FLG2: variants seen among roughly 807,000 people sequenced by gnomAD.
FLG2 encodes the protein filaggrin 2.
A neutral mutation model predicts 3.9 loss-of-function variants in FLG2; 7 were observed. That is an observed-to-expected ratio of 1.79 (90% CI 1.02 to 3.36). FLG2 has a LOEUF of 3.36. FLG2 is among the 30% of genes most tolerant of loss of function. The pLI is 0.00. For missense variants in FLG2, 2,700 were observed against 2,809.4 expected (o/e 0.96, Z 0.88); for synonymous variants, 1,031 against 1,056.1 (o/e 0.98, Z 0.46).
chr1:152,355,156 C>T lies in FLG2; in HGVS notation c.2630G>A (p.Ser877Asn), dbSNP rs772298321. Residue 877 changes from serine (S) to asparagine (N), a missense_variant, in exon 3 of 3, where the codon AGC becomes AAC. Coordinates refer to ENST00000388718, the MANE Select transcript of FLG2 (RefSeq NM_001014342.3). ...TCCAAAGCCAGAGTATTGACCTGAG[C>T]TTGACCTGTGTTGTCCAAAGCCAGA... ...QTSGFGQHRS[S>N]SGQYSGFGQH... 8 of 1,555,400 alleles carry T rather than the reference C, an allele frequency of 5.1e-6. No homozygotes were observed. Among genetic ancestry groups the T allele is most frequent in the Non-Finnish European group, 6.1e-6 (7 of 1,153,658 alleles).
At position 152,353,909 on chromosome 1, in the gene FLG2, G is replaced by T; in HGVS notation, c.3877C>A (p.His1293Asn). 1 of 1,614,116 alleles carries T rather than the reference G, an allele frequency of 6.2e-7. No homozygotes were observed. The highest frequency in any genetic ancestry group is 1.1e-5 in the South Asian group (1 of 91,078). ...GGGTAGTGAGATCCAGCTTGTGTGTGAATGTGTTCTGAATGTCTGTGTGAG... is the reference window on the plus strand; with the variant it reads ...GGGTAGTGAGATCCAGCTTGTGTGTTAATGTGTTCTGAATGTCTGTGTGAG... Reference protein sequence around the residue: ...KVSHRHSEHIHTQAGSHYPKS... With the variant: ...KVSHRHSEHINTQAGSHYPKS... Residue 1293 changes from histidine to asparagine, a missense_variant, in exon 3 of 3, where the codon CAC (histidine) becomes AAC (asparagine). Coordinates refer to ENST00000388718, the MANE Select transcript of FLG2 (RefSeq NM_001014342.3).
chr1:152,353,814 A>T lies in FLG2; in HGVS notation c.3972T>A (p.His1324Gln), dbSNP rs372521054. 1.9e-5 allele frequency: 30 copies of T among 1,613,996 alleles called. No homozygotes were observed. Among genetic ancestry groups the T allele is most frequent in the Middle Eastern group, 3.3e-4 (2 of 6,062 alleles). Residue 1324 changes from histidine (H) to glutamine (Q), a missense_variant, in exon 3 of 3, where the codon CAT becomes CAA. Physicochemically the swap from His to Gln is conservative, Grantham distance 24 (BLOSUM62 0). Coordinates refer to ENST00000388718, the MANE Select transcript of FLG2 (RefSeq NM_001014342.3). The part of the protein sequence containing the change: ...THGQRGDTTR[H>Q]GHSGHGQSTQ... ...TAGACTGTCCATGACCAGAATGGCC[A>T]TGTCTAGTGGTATCTCCTCTCTGTC...
chr1:152,351,787 T>A lies in FLG2; in HGVS notation c.5999A>T (p.Gln2000Leu). 6.2e-7 allele frequency: 1 copy of A among 1,613,040 alleles called. No homozygotes were observed. Among genetic ancestry groups the A allele is most frequent in the South Asian group, 1.1e-5 (1 of 91,054 alleles). The change falls in exon 3 of 3, where the codon CAA becomes CTA. Residue 2000 changes from glutamine (Q) to leucine (L), a missense_variant. Physicochemically the swap from Gln to Leu is moderately radical, Grantham distance 113 (BLOSUM62 -2). Coordinates refer to ENST00000388718, the MANE Select transcript of FLG2 (RefSeq NM_001014342.3). ...GCCATGTCTAGTGGTATCTGCTGTT[T>A]GTCCATGAGTAGTTCCGTGTCTCTC... ...VHERHGTTHG[Q>L]TADTTRHGHS...
rs986149155 is a variant in FLG2, at chr1:152,353,930, G to T, written c.3856C>A (p.His1286Asn). ...SDSEVHSKVS[H>N]RHSEHIHTQA... is the part of the protein sequence containing the mutation. ...GTGTGAATGTGTTCTGAATGTCTGT[G>T]TGAGACCTTTGAGTGCACTTCACTG... Residue 1286 changes from histidine (H) to asparagine (N), a missense_variant, in exon 3 of 3, where the codon CAC becomes AAC. Coordinates refer to ENST00000388718, the MANE Select transcript of FLG2 (RefSeq NM_001014342.3). 1.2e-6 allele frequency: 2 copies of T among 1,614,052 alleles called. No individual in the cohort carries two copies. Among genetic ancestry groups the T allele is most frequent in the Middle Eastern group, 1.6e-4 (1 of 6,084 alleles).
intron 2 of FLG2, among the ~76,000 whole-genome samples, chr1:152,357,894 T>C (rs1654310745): frequency 6.6e-6 from 1 of 152,236 alleles, no homozygotes; most frequent in African/African-American, 2.4e-5. Flanking sequence ...AGGTAAGGCC[T>C]ACAGGAAGGA....
At position 152,352,199 on chromosome 1, in the gene FLG2, C is replaced by A. The variant is rs772165849; in HGVS notation, c.5587G>T (p.Gly1863Ter). The change falls in exon 3 of 3, where the codon GGA becomes TGA. Residue 1863 changes from glycine to a stop codon, truncating the protein, a stop_gained. Transcript: ENST00000388718. LOFTEE classifies it low-confidence loss of function (END_TRUNC). ...DTSGHSQSGH[G>*]QSTQSGSSTT... ...CTGGATCCTGACTGTGTGGACTGTC[C>A]ATGACCAGATTGAGAATGTCCACTG... 2 of 1,613,892 alleles carry A rather than the reference C, an allele frequency of 1.2e-6. No individual in the cohort carries two copies. The highest frequency in any genetic ancestry group is 1.7e-6 in the Non-Finnish European group (2 of 1,179,958).
Position 152,351,071 on chromosome 1 carries a change from G to C in FLG2, c.6715C>G (p.Gln2239Glu), listed in dbSNP as rs1221318327. Residue 2239 changes from glutamine (Q) to glutamate (E), a missense_variant, in exon 3 of 3, where the codon CAA becomes GAA. Transcript: ENST00000388718. Reference sequence around the variant, plus strand: ...GTCCTGGACCCTCTCTGTGTGGATTGTCCATAACCATAGTGGGCATGTCTA... The same window carrying C: ...GTCCTGGACCCTCTCTGTGTGGATTCTCCATAACCATAGTGGGCATGTCTA... ...TTRHAHYGYG[Q>E]STQRGSRTTG... 1 of 1,613,482 alleles carries C rather than the reference G, an allele frequency of 6.2e-7. No individual in the cohort carries two copies. Among genetic ancestry groups the C allele is most frequent in the Admixed American group, 1.7e-5 (1 of 59,956 alleles).
chr1:152,357,676 C>A, intron 2 of FLG2, 29 bp from the exon 3 acceptor site: 1 of 1,540,212 alleles, frequency 6.5e-7, no homozygotes, highest in Non-Finnish European at 8.9e-7. Context: ...CCAAGGGAGA[C>A]CTGGTCAGCC....
Position 152,358,914 on chromosome 1 carries a change from C to T in FLG2, c.-22-8G>A. On this transcript the variant is annotated splice_polypyrimidine_tract_variant and splice_region_variant and intron_variant, in intron 1 of 2. Coordinates refer to ENST00000388718, the MANE Select transcript of FLG2 (RefSeq NM_001014342.3). The stretch of plus-strand genomic sequence containing the variant: ...TTGCAAGTTTAAGTGAACCTGGACA[C>T]AGAAAAACAAAGAACCCTATTATTC... 6.3e-7 allele frequency: 1 copy of T among 1,594,096 alleles called. No homozygotes were observed. The highest frequency in any genetic ancestry group is 1.1e-5 in the South Asian group (1 of 86,980).
At position 152,353,312 on chromosome 1, in the gene FLG2, T is replaced by C; in HGVS notation, c.4474A>G (p.Ser1492Gly). The C allele has an allele frequency of 6.2e-7, 1 of 1,613,574 alleles. No homozygotes were observed. The highest frequency in any genetic ancestry group is 8.5e-7 in the Non-Finnish European group (1 of 1,179,912). ...CCAGATCCCCTTCTTCCAGTTGTAC[T>C]GGACCCTCTCTGTGTGGATTTTCCA... The part of the protein sequence containing the change: ...HHGKSTQRGS[S>G]TTGRRGSGHS... The change falls in exon 3 of 3, where the codon AGT (serine) becomes GGT (glycine). Residue 1492 changes from serine (S) to glycine (G), a missense_variant. By Grantham distance (56) the Ser-to-Gly change is moderately conservative. Coordinates refer to ENST00000388718, the MANE Select transcript of FLG2 (RefSeq NM_001014342.3).
Position 152,351,287 on chromosome 1 carries a change from G to A in FLG2, c.6499C>T (p.Gln2167Ter), listed in dbSNP as rs770816608. ...HGQSGHGQST[Q>*]TGSRTTGRQR... is the part of the protein sequence containing the mutation. ...CTTCCAGTTGTCCTGGAACCTGTCT[G>A]TGTGGACTGTCCATGACCAGACTGG... Residue 2167 changes from glutamine (Q) to a stop codon, truncating the protein, a stop_gained, in exon 3 of 3, where the codon CAG (glutamine) becomes TAG (stop). Coordinates refer to ENST00000388718, the MANE Select transcript of FLG2 (RefSeq NM_001014342.3). LOFTEE classifies it low-confidence loss of function (END_TRUNC). The A allele has an allele frequency of 8.4e-5, 135 of 1,613,826 alleles. 1 individual carries two copies. The highest frequency in any genetic ancestry group is 2.7e-4 in the South Asian group (25 of 91,052).
chr1:152,352,171 G>T lies in FLG2; in HGVS notation c.5615C>A (p.Thr1872Lys). The T allele has an allele frequency of 6.2e-7, 1 of 1,613,824 alleles. No individual in the cohort carries two copies. Among genetic ancestry groups the T allele is most frequent in the Non-Finnish European group, 8.5e-7 (1 of 1,179,946 alleles). Residue 1872 changes from threonine to lysine, a missense_variant, in exon 3 of 3, where the codon ACA (threonine) becomes AAA (lysine). Coordinates refer to ENST00000388718, the MANE Select transcript of FLG2 (RefSeq NM_001014342.3). ...GTGGCCAGATCTCCTTCTTCCAGTTGTACTGGATCCTGACTGTGTGGACTG... is the reference window on the plus strand; with the variant it reads ...GTGGCCAGATCTCCTTCTTCCAGTTTTACTGGATCCTGACTGTGTGGACTG... ...HGQSTQSGSS[T>K]TGRRRSGHSE...
At position 152,351,840 on chromosome 1, in the gene FLG2, G is replaced by A. The variant is rs557443846; in HGVS notation, c.5946C>T (p.His1982=). Residue 1982 remains histidine (H), a synonymous_variant, in exon 3 of 3, where the codon CAC becomes CAT. Coordinates refer to ENST00000388718, the MANE Select transcript of FLG2 (RefSeq NM_001014342.3). ...GAACTGAGGATCCTGACTCTGGATAGTGAGATCCAGCTTGACCGTGAGTGT... is the reference window on the plus strand; with the variant it reads ...GAACTGAGGATCCTGACTCTGGATAATGAGATCCAGCTTGACCGTGAGTGT... ...SGHTHGQAGS[H]YPESGSSVHE... is the part of the protein sequence containing the mutation. The A allele has an allele frequency of 3.1e-6, 5 of 1,595,838 alleles. No homozygotes were observed. In the South Asian group the frequency reaches 4.4e-5, roughly 14 times the overall value.
rs758502094 is a variant in FLG2, at chr1:152,355,298, A to T, written c.2488T>A (p.Ser830Thr). Reference sequence around the variant, plus strand: ...GACTCATGCTGTCCAAAGCCAGAGGATTGTCCTGAGCCAGACCCATGTTGT... The same window carrying T: ...GACTCATGCTGTCCAAAGCCAGAGGTTTGTCCTGAGCCAGACCCATGTTGT... ...FGQHGSGSGQ[S>T]SGFGQHESRS... The change falls in exon 3 of 3, where the codon TCC becomes ACC. Residue 830 changes from serine (S) to threonine (T), a missense_variant. Physicochemically the swap from Ser to Thr is moderately conservative, Grantham distance 58 (BLOSUM62 1). Coordinates refer to ENST00000388718, the MANE Select transcript of FLG2 (RefSeq NM_001014342.3). 6.2e-7 allele frequency: 1 copy of T among 1,613,638 alleles called. No homozygotes were observed. Among genetic ancestry groups the T allele is most frequent in the South Asian group, 1.1e-5 (1 of 91,050 alleles).
In FLG2 at chr1:152,354,912, G is replaced by T. The variant is rs529976530; in HGVS notation, c.2874C>A (p.Ser958=). The stretch of plus-strand genomic sequence containing the variant: ...CTGATCCATGTTGGCCAAAGCCAGA[G>T]GATTGACCTGAGCCTGACCTGTGTT... ...FGQHRSGSGQ[S]SGFGQHGSGS... is the part of the protein sequence containing the mutation. The change falls in exon 3 of 3, where the codon TCC becomes TCA. Residue 958 remains serine (S), a synonymous_variant. Coordinates refer to ENST00000388718, the MANE Select transcript of FLG2 (RefSeq NM_001014342.3). 1.9e-6 allele frequency: 3 copies of T among 1,613,320 alleles called. No homozygotes were observed. In the African/African-American group the frequency reaches 4.0e-5, roughly 22 times the overall value.
In FLG2 at chr1:152,357,284, A is replaced by G. The variant is rs151122686; in HGVS notation, c.502T>C (p.Leu168=). 6.0e-5 allele frequency: 97 copies of G among 1,614,000 alleles called. No homozygotes were observed. The African/African-American group carries it at 1.2e-3, about 20-fold the overall frequency. The change falls in exon 3 of 3, where the codon TTA becomes CTA. Residue 168 remains leucine (L), a synonymous_variant. Transcript: ENST00000388718. ...NSRRLGRQGN[L]SSSGNQEGSQ... ...CCCTCTTGGTTCCCAGAGCTGGATAAATTACCTTGTCTTCCTAGCCTCCTG... is the reference window on the plus strand; with the variant it reads ...CCCTCTTGGTTCCCAGAGCTGGATAGATTACCTTGTCTTCCTAGCCTCCTG...
rs1313624279 is a variant in FLG2 at position 152,350,920 on chromosome 1, G to A, written c.6866C>T (p.Thr2289Ile). ...AGSQQRQPGS[T>I]VHGRLETTHG... ...AGTAGTTTCCAGTCTCCCATGAACT[G>A]TGGATCCTGGCTGTCTTTGTTGAGA... is the stretch of plus-strand genomic sequence containing the variant. Residue 2289 changes from threonine (T) to isoleucine (I), a missense_variant, in exon 3 of 3, where the codon ACA (threonine) becomes ATA (isoleucine). Coordinates refer to ENST00000388718, the MANE Select transcript of FLG2 (RefSeq NM_001014342.3). The A allele has an allele frequency of 1.2e-6, 2 of 1,613,852 alleles. No homozygotes were observed. Among genetic ancestry groups the A allele is most frequent in the Non-Finnish European group, 1.7e-6 (2 of 1,179,970 alleles).
In FLG2 at chr1:152,356,769, A is replaced by G. The variant is rs1363408344; in HGVS notation, c.1017T>C (p.Gly339=). ...CVSGGQPSGC[G]QPESNPCSQS... ...GACTACAGGGGTTAGACTCAGGTTGACCACATCCAGAGGGCTGACCTCCTG... is the reference window on the plus strand; with the variant it reads ...GACTACAGGGGTTAGACTCAGGTTGGCCACATCCAGAGGGCTGACCTCCTG... The change falls in exon 3 of 3, where the codon GGT becomes GGC. Residue 339 remains glycine, a synonymous_variant. Transcript: ENST00000388718. 1.2e-6 allele frequency: 2 copies of G among 1,614,134 alleles called. No individual in the cohort carries two copies. The highest frequency in any genetic ancestry group is 1.3e-5 in the African/African-American group (1 of 75,018).
chr1:152,350,515 T>C lies in FLG2; in HGVS notation c.*95A>G. On this transcript the variant is annotated 3_prime_UTR_variant, in exon 3 of 3. Coordinates refer to ENST00000388718, the MANE Select transcript of FLG2 (RefSeq NM_001014342.3). ...CTGATACTGAGAATCAACTGAATGTTCATAACTTACCATTGACTGTTCATG... is the reference window on the plus strand; with the variant it reads ...CTGATACTGAGAATCAACTGAATGTCCATAACTTACCATTGACTGTTCATG... 6.9e-7 allele frequency: 1 copy of C among 1,448,478 alleles called. No individual in the cohort carries two copies. The highest frequency in any genetic ancestry group is 9.3e-7 in the Non-Finnish European group (1 of 1,079,090). 89.7% of individuals were successfully genotyped at this position (1,448,478 alleles called of 1,614,324 possible).
Sources: gnomAD v4.1 joint callset for allele counts (sites outside exome capture counted in the v4.1 genomes callset) on GRCh38, gnomAD v4.1.1 for gene constraint, MANE v1.5 for transcripts, NCBI Gene and HGNC (gene_info 2026-07-23, HGNC 2026-07-21) for gene names.